Variants in ERC2 observed in about 807,000 individuals in gnomAD.
The protein encoded by ERC2 is ERC protein 2.
Under a neutral mutation model 114.8 loss-of-function variants are expected in ERC2, and 42 were observed. The observed-to-expected ratio is 0.37, with a 90% CI of 0.29 to 0.47. The LOEUF is 0.47. Ranked by LOEUF, ERC2 falls within the 20% of genes least tolerant of loss-of-function variation. The pLI, the probability that ERC2 is intolerant of heterozygous loss-of-function variation, is 0.99. For missense variants in ERC2, 939 were observed against 1,150.7 expected (o/e 0.82, Z 2.66); for synonymous variants, 454 against 425.5 (o/e 1.07, Z -0.82).
At chr3:56,042,147 A>G (rs2149663507) in intron 7 of ERC2, among the ~76,000 whole-genome samples, 1 of 152,296 alleles carries the variant, frequency 6.6e-6, no homozygotes, top group East Asian at 1.9e-4. Context: ...GCACCTGCAC[A>G]TATAGTTATA....
chr3:56,437,486 T>G (rs1358381086), intron 1 of ERC2, among the ~76,000 whole-genome samples: 1 of 152,240 alleles, frequency 6.6e-6, no homozygotes. Context: ...TAAATTTCCT[T>G]TTTGCTACAT....
chr3:56,223,518 C>CAAAAAAAAA (rs60141863), intron 3 of ERC2, among the ~76,000 whole-genome samples: 1 of 123,010 alleles, frequency 8.1e-6, no homozygotes, highest in African/African-American at 3.2e-5. Flanking sequence ...AGAAAAATGG[C>CAAAAAAAAA]AAAAAAAAAA....
In ERC2 at chr3:55,878,293, A is replaced by G. The variant is rs74993205; in HGVS notation, c.2564+10096T>C. Among the ~76,000 whole-genome samples, 475 of 152,264 alleles carry G rather than the reference A, an allele frequency of 3.1e-3. 3 individuals are homozygous for G. The highest frequency in any genetic ancestry group is 0.011 in the African/African-American group (448 of 41,562). Reference sequence around the variant, plus strand: ...ACATTTTTCTCTATTAAAACTATACATACAGTGCATGTTTTTGGCCGGAAG... The same window carrying G: ...ACATTTTTCTCTATTAAAACTATACGTACAGTGCATGTTTTTGGCCGGAAG... On this transcript the variant is annotated intron_variant, in intron 14 of 17. Coordinates refer to ENST00000288221, the MANE Select transcript of ERC2 (RefSeq NM_015576.3).
intron 13 of ERC2, among the ~76,000 whole-genome samples, chr3:55,930,760 T>C (rs1445326151): frequency 6.6e-6 from 1 of 152,156 alleles, no homozygotes; most frequent in African/African-American, 2.4e-5. Flanking sequence ...AAATGGGATC[T>C]AATTAAACTA....
chr3:55,823,882 G>A (rs1217100265), intron 14 of ERC2, among the ~76,000 whole-genome samples: 2 of 152,076 alleles, frequency 1.3e-5, no homozygotes, highest in African/African-American at 2.4e-5. Context: ...CACAGACTAG[G>A]GGACTTGAAC....
intron 17 of ERC2, among the ~76,000 whole-genome samples, chr3:55,545,567 G>C (rs1033845372): frequency 2.0e-5 from 3 of 152,206 alleles, no homozygotes; most frequent in Non-Finnish European, 4.4e-5. Flanking sequence ...TATCCTTTCA[G>C]TGGGACTCTT....
intron 7 of ERC2, among the ~76,000 whole-genome samples, chr3:56,032,917 A>AGAGAGAGAC (rs1560056305): frequency 5.1e-4 from 39 of 76,038 alleles, no homozygotes; most frequent in African/African-American, 8.5e-4. Context: ...GAAAGAAAGA[A>AGAGAGAGAC]AGAAAGAAAG....
At chr3:55,833,317 C>T (rs2060706051) in intron 14 of ERC2, among the ~76,000 whole-genome samples, 1 of 150,528 alleles carries the variant, frequency 6.6e-6, no homozygotes, top group Non-Finnish European at 1.5e-5. Flanking sequence ...TCAGATTCAA[C>T]AAAGTGGAAA....
chr3:55,697,331 G>T (rs574783307), intron 16 of ERC2, among the ~76,000 whole-genome samples: 36 of 152,296 alleles, frequency 2.4e-4, no homozygotes, highest in African/African-American at 8.7e-4. Context: ...TGAGATGGTG[G>T]ATGTGAAAGT....
At chr3:55,585,065 G>A (rs78490385) in intron 17 of ERC2, among the ~76,000 whole-genome samples, 25,435 of 152,114 alleles carry the variant, frequency 0.17, 2,274 homozygotes, top group Non-Finnish European at 0.21. Flanking sequence ...AGGCTCTTTC[G>A]GGCAGGCTGC....
At chr3:56,072,792 ATT>A (rs2076800528) in intron 7 of ERC2, among the ~76,000 whole-genome samples, 3 of 152,220 alleles carry the variant, frequency 2.0e-5, no homozygotes, top group African/African-American at 7.2e-5. Flanking sequence ...AGCCAAAGAA[ATT>A]TAAACTGAGT....
intron 17 of ERC2, among the ~76,000 whole-genome samples, chr3:55,669,585 G>C (rs2061479955): frequency 6.6e-6 from 1 of 152,248 alleles, no homozygotes; most frequent in Non-Finnish European, 1.5e-5. Context: ...TGTATTTCTT[G>C]TAATGGCTGA....
intron 17 of ERC2, among the ~76,000 whole-genome samples, chr3:55,614,423 C>G (rs1183848876): frequency 1.3e-5 from 2 of 152,154 alleles, no homozygotes; most frequent in African/African-American, 4.8e-5. Flanking sequence ...CCAGCCCTCA[C>G]TACTCTCCAG....
In ERC2 at chr3:55,619,990, T is replaced by C. The variant is rs147199280; in HGVS notation, c.*39+63804A>G. On this transcript the variant is annotated intron_variant, in intron 17 of 17. Transcript: ENST00000288221. ...CTCAAATTCATTAAAGAAATTTCACTGACTTCACAGACTTTGGCATTAAAT... is the reference window on the plus strand; with the variant it reads ...CTCAAATTCATTAAAGAAATTTCACCGACTTCACAGACTTTGGCATTAAAT... 3.0e-3 allele frequency among the ~76,000 whole-genome samples: 454 copies of C among 152,340 alleles called. 1 individual carries two copies. Among genetic ancestry groups the C allele is most frequent in the Non-Finnish European group, 5.3e-3 (358 of 68,032 alleles).
Position 55,620,244 on chromosome 3 carries a change from T to A in ERC2, c.*39+63550A>T, listed in dbSNP as rs2059272222. 2.6e-5 allele frequency among the ~76,000 whole-genome samples: 4 copies of A among 152,330 alleles called. 2 individuals carry two copies. The South Asian group carries it at 8.3e-4, about 32-fold the overall frequency. On this transcript the variant is annotated intron_variant, in intron 17 of 17. Coordinates refer to ENST00000288221, the MANE Select transcript of ERC2 (RefSeq NM_015576.3). The stretch of plus-strand genomic sequence containing the variant: ...AGATTGGCTTTGTTATGATTTTTGC[T>A]TTAGATGTAGTAGTACTCTTGATAA...
intron 6 of ERC2, among the ~76,000 whole-genome samples, chr3:56,088,568 AAGAG>A (rs1041827338): frequency 1.3e-5 from 2 of 152,126 alleles, no homozygotes; most frequent in Admixed American, 6.5e-5. Flanking sequence ...CCTTGGGAAA[AAGAG>A]AGAAAGACAG....
At chr3:55,659,106 C>T (rs888437066) in intron 17 of ERC2, 3 of 152,222 alleles carry the variant, frequency 2.0e-5, no homozygotes, top group Non-Finnish European at 2.9e-5. Flanking sequence ...GCTTTGTTTT[C>T]CTGAAAGCTT....
At chr3:56,096,214 T>C (rs1003142938) in intron 6 of ERC2, among the ~76,000 whole-genome samples, 1 of 152,256 alleles carries the variant, frequency 6.6e-6, no homozygotes, top group Non-Finnish European at 1.5e-5. Context: ...TTCTATCATC[T>C]ACATATGATT....
intron 14 of ERC2, among the ~76,000 whole-genome samples, chr3:55,786,280 T>G (rs2149064681): frequency 6.6e-6 from 1 of 152,302 alleles, no homozygotes; most frequent in African/African-American, 2.4e-5. Context: ...TTTTAGAAAA[T>G]ATTATAGAGC....
Sources: allele counts gnomAD v4.1 joint callset (sites outside exome capture counted in the v4.1 genomes callset), GRCh38; gene constraint gnomAD v4.1.1; transcripts MANE v1.5; gene names NCBI Gene and HGNC (gene_info 2026-07-23, HGNC 2026-07-21).